DYNC1I1: variants seen among roughly 807,000 people sequenced by gnomAD.
DYNC1I1 encodes dynein cytoplasmic 1 intermediate chain 1, also known as cytoplasmic dynein 1 intermediate chain 1.
In DYNC1I1, 43 loss-of-function variants were observed where a neutral mutation model predicts 86.6. The observed-to-expected ratio is 0.50, with a 90% CI of 0.39 to 0.64. The LOEUF is 0.64. DYNC1I1 is among the 30% of genes least tolerant of loss of function. The pLI is 0.00. For missense variants in DYNC1I1, 604 were observed against 788.8 expected, an observed-to-expected ratio of 0.77 and a Z score of 2.81; for synonymous variants, 262 against 283.7, an observed-to-expected ratio of 0.92 and a Z score of 0.77.
intron 1 of DYNC1I1, among the ~76,000 whole-genome samples, chr7:95,802,334 T>C (rs939885252): frequency 6.6e-6 from 1 of 152,194 alleles, no homozygotes; most frequent in Non-Finnish European, 1.5e-5. Flanking sequence ...TTGGTCCCTC[T>C]TGGCTGTGCT....
chr7:95,991,716 G>T (rs139636305), intron 9 of DYNC1I1, among the ~76,000 whole-genome samples: 15 of 152,200 alleles, frequency 9.9e-5, no homozygotes, highest in Middle Eastern at 3.4e-3. Flanking sequence ...ACCAAGAGGG[G>T]TCTCCTGCAC....
chr7:95,965,184 G>A lies in DYNC1I1; in HGVS notation c.491-12328G>A, dbSNP rs886899115. On this transcript the variant is annotated intron_variant, in intron 6 of 16. Coordinates refer to ENST00000447467, the MANE Select transcript of DYNC1I1 (RefSeq NM_001135556.2). The stretch of plus-strand genomic sequence containing the variant: ...AATAGGCAAGGAAAAAGAAGCTGGA[G>A]TCAGTTTGACAGGATACAGCTAGCA... Among the ~76,000 whole-genome samples, 10 of 152,206 alleles carry A rather than the reference G, an allele frequency of 6.6e-5. No individual in the cohort carries two copies. The South Asian group carries it at 1.9e-3, about 28-fold the overall frequency.
chr7:96,061,459 G>C (rs1456340094), intron 14 of DYNC1I1, among the ~76,000 whole-genome samples: 1 of 152,068 alleles, frequency 6.6e-6, no homozygotes, highest in Non-Finnish European at 1.5e-5. Flanking sequence ...CAGAGTGGGT[G>C]GGCATTGGGG....
intron 4 of DYNC1I1, among the ~76,000 whole-genome samples, chr7:95,819,354 CT>C (rs199809271): frequency 2.6e-5 from 4 of 150,944 alleles, no homozygotes; most frequent in Admixed American, 6.6e-5. Flanking sequence ...GTAGTTACTA[CT>C]TTTTTTTTAG....
chr7:95,992,555 T>A (rs1280169896), intron 9 of DYNC1I1, among the ~76,000 whole-genome samples: 2 of 152,116 alleles, frequency 1.3e-5, no homozygotes, highest in East Asian at 3.9e-4. Flanking sequence ...CCAAATGAAT[T>A]AACATATCAG....
intron 6 of DYNC1I1, among the ~76,000 whole-genome samples, chr7:95,913,558 G>A (rs1791392778): frequency 6.6e-6 from 1 of 152,212 alleles, no homozygotes. Context: ...TCTCTTGCCT[G>A]CTGCCACATA....
intron 4 of DYNC1I1, among the ~76,000 whole-genome samples, chr7:95,814,804 T>A (rs1183537444): frequency 6.6e-6 from 1 of 151,784 alleles, no homozygotes; most frequent in Non-Finnish European, 1.5e-5. Context: ...AAAGTAGAGG[T>A]TTTTGAGGGC....
At position 95,785,775 on chromosome 7, in the gene DYNC1I1, GTATATATATATATATATATATA is replaced by G. The variant is rs200152096; in HGVS notation, c.-10+13024_-10+13045del. Among the ~76,000 whole-genome samples the G allele has an allele frequency of 4.0e-3, 503 of 124,902 alleles. 11 individuals are homozygous for G. Among genetic ancestry groups the G allele is most frequent in the Non-Finnish European group, 4.7e-3 (273 of 57,678 alleles). The allele number at this position is 124,902 out of a possible 152,430, so 81.9% of individuals were successfully genotyped here. On this transcript the variant is annotated intron_variant, in intron 1 of 16. Transcript: ENST00000447467. ...TGTATGTATATATATGTGTGTATGTGTATATATATATATATATATATATATATATATATATATATATATTATA... is the reference window on the plus strand; with the variant it reads ...TGTATGTATATATATGTGTGTATGTGTATATATATATATATATATATTATA...
intron 14 of DYNC1I1, among the ~76,000 whole-genome samples, chr7:96,072,688 A>G (rs908902985): frequency 6.6e-6 from 1 of 152,214 alleles, no homozygotes; most frequent in Non-Finnish European, 1.5e-5. Flanking sequence ...CAAGCAAGCT[A>G]TAACATGTTT....
intron 1 of DYNC1I1, among the ~76,000 whole-genome samples, chr7:95,799,874 G>A (rs931869807): frequency 4.0e-5 from 6 of 151,874 alleles, no homozygotes; most frequent in African/African-American, 1.5e-4. Context: ...TGATGACATG[G>A]TTATTGAATT....
chr7:96,005,148 G>A (rs1209260339), intron 10 of DYNC1I1, among the ~76,000 whole-genome samples: 2 of 152,124 alleles, frequency 1.3e-5, no homozygotes, highest in African/African-American at 4.8e-5. Context: ...ACAGCCAATT[G>A]TCATTTCCTG....
chr7:96,030,174 C>T (rs1454289933), intron 11 of DYNC1I1, among the ~76,000 whole-genome samples: 3 of 151,986 alleles, frequency 2.0e-5, no homozygotes, highest in Admixed American at 6.6e-5. Flanking sequence ...CCTTTCACAC[C>T]CACCACACAT....
At chr7:96,107,757 A>C (rs1584324752) in intron 16 of DYNC1I1, among the ~76,000 whole-genome samples, 1 of 150,544 alleles carries the variant, frequency 6.6e-6, no homozygotes, top group Non-Finnish European at 1.5e-5. Context: ...CGAACTCCTG[A>C]CCTCGTGATC....
At chr7:96,098,948 T>A (rs895524807), downstream of DYNC1I1, among the ~76,000 whole-genome samples, 1 of 152,204 alleles carries the variant, frequency 6.6e-6, no homozygotes. Context: ...CCTTCAACTG[T>A]ACGGTTTCTT....
chr7:96,085,670 T>A (rs1273485342), intron 16 of DYNC1I1, among the ~76,000 whole-genome samples: 1 of 152,224 alleles, frequency 6.6e-6, no homozygotes, highest in Non-Finnish European at 1.5e-5. Context: ...CTTTTTATTA[T>A]TTGGCTATAA....
chr7:95,977,468 T>A (rs777195827), intron 6 of DYNC1I1, 44 bp from the exon 7 acceptor site: 1 of 1,587,538 alleles, frequency 6.3e-7, no homozygotes, highest in East Asian at 2.3e-5. Context: ...AGACTTTGAT[T>A]TGGAGGAAAG....
intron 14 of DYNC1I1, among the ~76,000 whole-genome samples, chr7:96,058,160 A>C (rs1789643511): frequency 6.6e-6 from 1 of 152,250 alleles, no homozygotes; most frequent in Admixed American, 6.5e-5. Context: ...AGTAAGGGCA[A>C]ATATTGTCTT....
intron 5 of DYNC1I1, among the ~76,000 whole-genome samples, chr7:95,860,650 G>C (rs905402706): frequency 1.3e-5 from 2 of 152,074 alleles, no homozygotes; most frequent in Non-Finnish European, 2.9e-5. Flanking sequence ...AATATCACAG[G>C]CTGGGTAATT....
chr7:95,976,185 A>T (rs1398915908), intron 6 of DYNC1I1, among the ~76,000 whole-genome samples: 1 of 152,190 alleles, frequency 6.6e-6, no homozygotes, highest in Admixed American at 6.5e-5. Flanking sequence ...ATCCTTTCTT[A>T]TATATGTATA....
Sources: gnomAD v4.1 joint callset for allele counts (sites outside exome capture counted in the v4.1 genomes callset) on GRCh38, gnomAD v4.1.1 for gene constraint, MANE v1.5 for transcripts, NCBI Gene and HGNC (gene_info 2026-07-23, HGNC 2026-07-21) for gene names.